Variants in RNLS observed in about 807,000 individuals in gnomAD.
The protein encoded by RNLS is renalase, FAD dependent amine oxidase, also known as renalase.
Under a neutral mutation model 39.8 loss-of-function variants are expected in RNLS, and 39 were observed. The ratio of observed to expected loss-of-function variants is 0.98; its 90% CI spans 0.76 to 1.28. The LOEUF is 1.28. Among genes scored for constraint, RNLS ranks in the 50% most tolerant of loss-of-function variants. RNLS has a pLI of 0.00. For synonymous variants in RNLS, 147 were observed against 150.7 expected, an observed-to-expected ratio of 0.98 and a Z score of 0.18; for missense variants, 410 against 413.3, an observed-to-expected ratio of 0.99 and a Z score of 0.07.
intron 4 of RNLS, among the ~76,000 whole-genome samples, chr10:88,551,941 C>A (rs933456990): frequency 1.3e-5 from 2 of 152,164 alleles, no homozygotes; most frequent in African/African-American, 2.4e-5. Flanking sequence ...GAAGAAAGTG[C>A]AGCAGCAAGG....
chr10:88,395,114 A>G (rs1045649929), intron 4 of RNLS, among the ~76,000 whole-genome samples: 32 of 152,154 alleles, frequency 2.1e-4, no homozygotes, highest in African/African-American at 7.7e-4. Context: ...TAATGGATGC[A>G]GCACACCAAC....
chr10:88,398,051 G>GT, intron 4 of RNLS, among the ~76,000 whole-genome samples: 1 of 152,050 alleles, frequency 6.6e-6, no homozygotes, highest in Non-Finnish European at 1.5e-5. Flanking sequence ...ATGAAGCCAT[G>GT]TTTTCGTACA....
intron 5 of RNLS, among the ~76,000 whole-genome samples, chr10:88,333,721 T>G (rs1167686959): frequency 1.3e-5 from 2 of 152,188 alleles, no homozygotes; most frequent in East Asian, 3.8e-4. Context: ...AAAACTCGTA[T>G]GTGAAATCTA....
rs188360769 is a variant in RNLS at position 88,349,769 on chromosome 10, A to T, written c.700+12783T>A. 2.9e-3 allele frequency among the ~76,000 whole-genome samples: 434 copies of T among 151,820 alleles called. 3 individuals are homozygous for T. The highest frequency in any genetic ancestry group is 9.8e-3 in the African/African-American group (408 of 41,448). ...ATATATACATTGTGTATATATATAT[A>T]TTTTTCTTCCTGAGAGACCACCCCA... On this transcript the variant is annotated intron_variant, in intron 5 of 6. Coordinates refer to ENST00000331772, the MANE Select transcript of RNLS (RefSeq NM_001031709.3).
At chr10:88,477,500 G>C (rs989898569) in intron 4 of RNLS, among the ~76,000 whole-genome samples, 1 of 152,138 alleles carries the variant, frequency 6.6e-6, no homozygotes, top group Admixed American at 6.6e-5. Flanking sequence ...CAACAGCAAC[G>C]CTGATGTAAA....
At chr10:88,493,113 C>T (rs1416609135) in intron 4 of RNLS, among the ~76,000 whole-genome samples, 1 of 152,044 alleles carries the variant, frequency 6.6e-6, no homozygotes, top group Non-Finnish European at 1.5e-5. Flanking sequence ...TATTATCCTA[C>T]CAGTACATGT....
At chr10:88,482,027 T>C (rs1844211599) in intron 4 of RNLS, among the ~76,000 whole-genome samples, 1 of 152,190 alleles carries the variant, frequency 6.6e-6, no homozygotes, top group Admixed American at 6.6e-5. Context: ...ATTAATTGCA[T>C]AAATTCCTCT....
At chr10:88,437,743 A>C (rs1216953809) in intron 4 of RNLS, among the ~76,000 whole-genome samples, 1 of 152,150 alleles carries the variant, frequency 6.6e-6, no homozygotes, top group East Asian at 1.9e-4. Flanking sequence ...CCTAGTTCTT[A>C]TGAATGCCCC....
intron 4 of RNLS, among the ~76,000 whole-genome samples, chr10:88,395,518 G>C (rs1191345817): frequency 6.6e-6 from 1 of 151,930 alleles, no homozygotes; most frequent in Non-Finnish European, 1.5e-5. Flanking sequence ...TAAAGAATCA[G>C]CAAACTTGAA....
At chr10:88,454,940 A>C (rs952694470) in intron 4 of RNLS, among the ~76,000 whole-genome samples, 1 of 152,218 alleles carries the variant, frequency 6.6e-6, no homozygotes, top group African/African-American at 2.4e-5. Context: ...TCAATTCAAC[A>C]GCTATTTATT....
At chr10:88,183,647 A>G in the RNLS span, among the ~76,000 whole-genome samples, 1 of 152,138 alleles carries the variant, frequency 6.6e-6, no homozygotes, top group Non-Finnish European at 1.5e-5. Flanking sequence ...TACTCCATTA[A>G]AGTAGTTTTT....
Position 88,583,185 on chromosome 10 carries a change from CG to C in RNLS, c.5del (p.Ala2GlyfsTer4), listed in dbSNP as rs1850759630. On this transcript the variant is annotated frameshift_variant, in exon 1 of 7. Coordinates refer to ENST00000331772, the MANE Select transcript of RNLS (RefSeq NM_001031709.3). LOFTEE classifies it high-confidence loss of function. ...TCCCGGCGCCCACGATCAGCACCTG[CG>C]CCATGGCGAGAGGGAGCAGCGATCC... is the stretch of plus-strand genomic sequence containing the variant. M[A>X]QVLIVGAGMT... 2.5e-6 allele frequency: 4 copies of C among 1,613,754 alleles called. No individual in the cohort carries two copies. The highest frequency in any genetic ancestry group is 3.4e-6 in the Non-Finnish European group (4 of 1,179,908).
downstream of RNLS, among the ~76,000 whole-genome samples, chr10:88,282,467 A>G (rs1392720143): frequency 2.1e-5 from 3 of 144,926 alleles, no homozygotes; most frequent in East Asian, 4.1e-4. Flanking sequence ...TAGGAGGATG[A>G]AAAGTGAAAA....
the RNLS span, among the ~76,000 whole-genome samples, chr10:88,203,300 A>G: frequency 2.9e-3 from 50 of 17,230 alleles, 17 homozygotes; most frequent in African/African-American, 0.013. Flanking sequence ...ACGTATGTAT[A>G]TATATATATA....
chr10:88,518,414 AAAG>A (rs1846526169), intron 4 of RNLS, among the ~76,000 whole-genome samples: 1 of 151,988 alleles, frequency 6.6e-6, no homozygotes, highest in African/African-American at 2.4e-5. Context: ...AAGGATTGCT[AAAG>A]AAGAAGGCTA....
chr10:88,507,040 T>C (rs1845835409), intron 4 of RNLS, among the ~76,000 whole-genome samples: 1 of 152,128 alleles, frequency 6.6e-6, no homozygotes, highest in Admixed American at 6.6e-5. Flanking sequence ...TCATCAACCA[T>C]AAGCTTTTAA....
the RNLS span, among the ~76,000 whole-genome samples, chr10:88,181,722 C>T: frequency 6.6e-6 from 1 of 152,112 alleles, no homozygotes; most frequent in African/African-American, 2.4e-5. Flanking sequence ...AACATCATTT[C>T]CTGATTGGGA....
At chr10:88,389,235 T>C (rs772422330) in intron 4 of RNLS, among the ~76,000 whole-genome samples, 1 of 152,056 alleles carries the variant, frequency 6.6e-6, no homozygotes, top group African/African-American at 2.4e-5. Context: ...GATATTGGTT[T>C]ACCTCCTAGG....
intron 4 of RNLS, among the ~76,000 whole-genome samples, chr10:88,515,067 T>TG (rs1306139188): frequency 3.3e-5 from 5 of 151,948 alleles, no homozygotes; most frequent in Non-Finnish European, 7.4e-5. Flanking sequence ...CTACATTTTT[T>TG]TTCTTTCAAC....
Sources: allele counts gnomAD v4.1 joint callset (sites outside exome capture counted in the v4.1 genomes callset), GRCh38; gene constraint gnomAD v4.1.1; transcripts MANE v1.5; gene names NCBI Gene and HGNC (gene_info 2026-07-23, HGNC 2026-07-21).